NCKAP5: variants seen among roughly 807,000 people sequenced by gnomAD.
NCKAP5 encodes the protein nck-associated protein 5.
A neutral mutation model predicts 167.0 loss-of-function variants in NCKAP5; 92 were observed. The ratio of observed to expected loss-of-function variants is 0.55; its 90% CI spans 0.47 to 0.66. NCKAP5 has a LOEUF of 0.66. NCKAP5 is among the 30% of genes least tolerant of loss of function. The pLI, the probability that NCKAP5 is intolerant of heterozygous loss-of-function variation, is 0.00. For missense variants in NCKAP5, 2,378 were observed against 2,315.0 expected, an observed-to-expected ratio of 1.03 and a Z score of -0.56; for synonymous variants, 891 against 877.4, an observed-to-expected ratio of 1.02 and a Z score of -0.27.
intron 3 of NCKAP5, among the ~76,000 whole-genome samples, chr2:133,334,889 G>C (rs1435845060): frequency 6.6e-6 from 1 of 152,138 alleles, no homozygotes; most frequent in Admixed American, 6.6e-5. Flanking sequence ...GATCAGGTTT[G>C]CTCCTTTACA....
chr2:133,167,914 C>T (rs867529151), intron 5 of NCKAP5, among the ~76,000 whole-genome samples: 13 of 152,152 alleles, frequency 8.5e-5, no homozygotes, highest in East Asian at 3.9e-4. Flanking sequence ...TAGATATGAT[C>T]GATTCATTAA....
intron 5 of NCKAP5, among the ~76,000 whole-genome samples, chr2:133,187,060 A>AT (rs1454512028): frequency 1.4e-4 from 21 of 151,782 alleles, no homozygotes; most frequent in Non-Finnish European, 2.2e-4. Context: ...TTAATTTGAG[A>AT]TTTTTCTAAC....
At chr2:132,956,450 G>GT (rs2076347476) in intron 8 of NCKAP5, among the ~76,000 whole-genome samples, 2 of 152,122 alleles carry the variant, frequency 1.3e-5, no homozygotes, top group Admixed American at 6.5e-5. Context: ...AGACATCTGA[G>GT]TTTTTAAAAA....
the NCKAP5 span, among the ~76,000 whole-genome samples, chr2:133,605,708 C>CTTTTG: frequency 6.6e-6 from 1 of 152,128 alleles, no homozygotes; most frequent in Non-Finnish European, 1.5e-5. Flanking sequence ...CAGTGCTTTG[C>CTTTTG]TTTTGTTGAT....
upstream of NCKAP5, among the ~76,000 whole-genome samples, chr2:133,571,761 G>A (rs1688874922): frequency 6.6e-6 from 1 of 152,116 alleles, no homozygotes; most frequent in Non-Finnish European, 1.5e-5. Context: ...CAAGGACCAT[G>A]ATCACAGGCA....
At chr2:132,675,375 G>A (rs1684305368) in intron 19 of NCKAP5, among the ~76,000 whole-genome samples, 1 of 152,186 alleles carries the variant, frequency 6.6e-6, no homozygotes, top group Admixed American at 6.5e-5. Context: ...TAGAAATAAA[G>A]AACTTTAAAG....
chr2:133,279,855 G>A (rs2150457327), intron 4 of NCKAP5, among the ~76,000 whole-genome samples: 1 of 152,164 alleles, frequency 6.6e-6, no homozygotes, highest in East Asian at 1.9e-4. Context: ...GAATGTTCTT[G>A]TCTTAATTTA....
At chr2:133,672,773 G>C in the NCKAP5 span, among the ~76,000 whole-genome samples, 1 of 152,290 alleles carries the variant, frequency 6.6e-6, no homozygotes, top group East Asian at 1.9e-4. Flanking sequence ...CCTGTGATCT[G>C]TAGTTTGTCA....
intron 4 of NCKAP5, chr2:133,284,844 C>T (rs760001829): frequency 6.6e-6 from 1 of 152,196 alleles, no homozygotes; most frequent in Admixed American, 6.5e-5. Flanking sequence ...TCCTGAACCT[C>T]TGAACTTTTT....
chr2:133,650,954 G>T, the NCKAP5 span, among the ~76,000 whole-genome samples: 5 of 152,180 alleles, frequency 3.3e-5, no homozygotes, highest in Admixed American at 6.5e-5. Context: ...AACAAAAGGT[G>T]TTGGGAAAAC....
chr2:132,741,502 C>T (rs1475808693), intron 16 of NCKAP5, among the ~76,000 whole-genome samples: 1 of 152,002 alleles, frequency 6.6e-6, no homozygotes, highest in African/African-American at 2.4e-5. Flanking sequence ...TCCCAGACTC[C>T]TAGGTCCTGT....
At chr2:133,098,744 T>C (rs1464168180) in intron 6 of NCKAP5, among the ~76,000 whole-genome samples, 2 of 152,208 alleles carry the variant, frequency 1.3e-5, no homozygotes, top group Non-Finnish European at 2.9e-5. Context: ...AACAATTTCC[T>C]TTCAAAACAT....
chr2:133,463,935 A>T (rs909096650), intron 3 of NCKAP5, among the ~76,000 whole-genome samples: 1 of 152,192 alleles, frequency 6.6e-6, no homozygotes, highest in Non-Finnish European at 1.5e-5. Flanking sequence ...ACTTCCTAAG[A>T]TTTATAATCC....
chr2:132,695,260 G>A (rs1246574933), intron 19 of NCKAP5, among the ~76,000 whole-genome samples: 1 of 151,876 alleles, frequency 6.6e-6, no homozygotes, highest in Non-Finnish European at 1.5e-5. Flanking sequence ...TTATTGTGAA[G>A]GAAGAAGTCT....
At chr2:133,503,377 C>A (rs1682710996) in intron 3 of NCKAP5, among the ~76,000 whole-genome samples, 1 of 152,142 alleles carries the variant, frequency 6.6e-6, no homozygotes, top group South Asian at 2.1e-4. Context: ...TTGGCTCTTG[C>A]CTCATCTGAT....
chr2:133,210,064 C>G (rs2086136982), intron 5 of NCKAP5, among the ~76,000 whole-genome samples: 1 of 151,514 alleles, frequency 6.6e-6, no homozygotes, highest in Non-Finnish European at 1.5e-5. Flanking sequence ...CCTTTGGAAG[C>G]TGAGGCAAGA....
chr2:133,345,331 G>T (rs578185463), intron 3 of NCKAP5, among the ~76,000 whole-genome samples: 8 of 151,730 alleles, frequency 5.3e-5, no homozygotes, highest in African/African-American at 1.7e-4. Flanking sequence ...TGACATTAAA[G>T]TTTACTTTTA....
In NCKAP5 at chr2:132,895,831, AAAC is replaced by A. The variant is rs1254366304; in HGVS notation, c.580-16918_580-16916del. On this transcript the variant is annotated intron_variant, in intron 8 of 19. Transcript: ENST00000409261. ...GAGAAGGACTCAAAAAAAAAAAAAA[AAAC>A]AAAAAAAAAAACACAGTAGGCCAGG... is the stretch of plus-strand genomic sequence containing the variant. 2.5e-3 allele frequency among the ~76,000 whole-genome samples: 361 copies of A among 146,028 alleles called. 9 individuals carry two copies. Among genetic ancestry groups the A allele is most frequent in the East Asian group, 0.023 (117 of 4,998 alleles).
At chr2:133,552,745 TA>T (rs57165361) in intron 2 of NCKAP5, among the ~76,000 whole-genome samples, 40,336 of 119,270 alleles carry the variant, frequency 0.34, 5,985 homozygotes, top group East Asian at 0.42. Flanking sequence ...TAAAGTATAA[TA>T]AAAAAAAAAG....
Sources: gnomAD v4.1 joint callset for allele counts (sites outside exome capture counted in the v4.1 genomes callset) on GRCh38, gnomAD v4.1.1 for gene constraint, MANE v1.5 for transcripts, NCBI Gene and HGNC (gene_info 2026-07-23, HGNC 2026-07-21) for gene names.